Variants in ZNF445 observed in about 807,000 individuals in gnomAD.
The protein encoded by ZNF445 is zinc finger protein 168.
In ZNF445, 19 loss-of-function variants were observed where a neutral mutation model predicts 93.9. The observed-to-expected ratio is 0.20, with a 90% CI of 0.14 to 0.30. The LOEUF is 0.30. Among genes scored for constraint, ZNF445 ranks in the 10% least tolerant of loss-of-function variants. The probability of loss-of-function intolerance (pLI) is 1.00; values close to 1 mark genes in which losing one functional copy is unlikely to be tolerated. For synonymous variants in ZNF445, 449 were observed against 446.3 expected (o/e 1.01, Z -0.08); for missense variants, 1,058 against 1,259.4 (o/e 0.84, Z 2.42).
rs1575309784 is a variant in ZNF445 at position 44,451,453 on chromosome 3, C to T, written c.459G>A (p.Val153=). The stretch of plus-strand genomic sequence containing the variant: ...GCAGGGCTCCTGTACCCATCCAATG[C>T]ACATCTGGGCTCTGGGCAGGGCCCG... ...RDPGPAQSPD[V]HWMGTGALRS... is the part of the protein sequence containing the mutation. The change falls in exon 4 of 8, where the codon GTG becomes GTA. Residue 153 remains valine (V), a synonymous_variant. Coordinates refer to ENST00000396077, the MANE Select transcript of ZNF445 (RefSeq NM_181489.6). The T allele has an allele frequency of 1.9e-6, 3 of 1,610,526 alleles. No individual in the cohort carries two copies. Among genetic ancestry groups the T allele is most frequent in the Non-Finnish European group, 2.5e-6 (3 of 1,177,422 alleles).
At chr3:44,452,679 C>T (rs970273688) in intron 3 of ZNF445, among the ~76,000 whole-genome samples, 1 of 152,096 alleles carries the variant, frequency 6.6e-6, no homozygotes, top group Non-Finnish European at 1.5e-5. Flanking sequence ...ACCTCATTTC[C>T]TTTTATAAAT....
intron 1 of ZNF445, among the ~76,000 whole-genome samples, chr3:44,465,701 T>C (rs1039529127): frequency 6.6e-6 from 1 of 152,034 alleles, no homozygotes; most frequent in Admixed American, 6.5e-5. Flanking sequence ...TTACCTGAGG[T>C]TGGTAGTTCA....
chr3:44,441,547 G>A lies in ZNF445; in HGVS notation c.*5028C>T, dbSNP rs1406385164. The A allele has an allele frequency of 1.3e-5, 2 of 152,178 alleles. No individual in the cohort carries two copies. Among genetic ancestry groups the A allele is most frequent in the Non-Finnish European group, 2.9e-5 (2 of 68,038 alleles). 9.4% of individuals were successfully genotyped at this position (152,178 alleles called of 1,614,324 possible). ...TCTGACACTCCCAATTTTTGCAGGT[G>A]AGGAAATGGAAGCCTTGAAAGATTA... is the stretch of plus-strand genomic sequence containing the variant. On this transcript the variant is annotated 3_prime_UTR_variant, in exon 8 of 8. Transcript: ENST00000396077.
intron 1 of ZNF445, among the ~76,000 whole-genome samples, chr3:44,475,816 C>T (rs755568305): frequency 2.6e-5 from 4 of 152,052 alleles, no homozygotes; most frequent in South Asian, 2.1e-4. Flanking sequence ...CTGACCAATA[C>T]GGTGAAACCC....
At chr3:44,475,185 T>C (rs565407607) in intron 1 of ZNF445, among the ~76,000 whole-genome samples, 1 of 152,136 alleles carries the variant, frequency 6.6e-6, no homozygotes, top group South Asian at 2.1e-4. Context: ...TATTTCCATT[T>C]TAGGTATTAC....
chr3:44,471,942 T>C (rs1309010249), intron 1 of ZNF445, among the ~76,000 whole-genome samples: 1 of 151,812 alleles, frequency 6.6e-6, no homozygotes, highest in African/African-American at 2.4e-5. Flanking sequence ...TGAGAAGCAG[T>C]GGGAGCTTCA....
intron 1 of ZNF445, among the ~76,000 whole-genome samples, chr3:44,475,943 G>C (rs1698345034): frequency 6.6e-6 from 1 of 152,174 alleles, no homozygotes; most frequent in Middle Eastern, 3.2e-3. Context: ...AGGCTGCAGT[G>C]AGCCGAGTTT....
chr3:44,438,443 C>A lies in ZNF445; in HGVS notation c.*8132G>T, dbSNP rs1004719337. ...TCCCGAGTAGCTGGGACTACAGGCG[C>A]CCGCTGCCACGCCCGGTTAATTTTT... On this transcript the variant is annotated 3_prime_UTR_variant, in exon 8 of 8. Coordinates refer to ENST00000396077, the MANE Select transcript of ZNF445 (RefSeq NM_181489.6). 1 of 149,844 alleles carries A rather than the reference C, an allele frequency of 6.7e-6. No individual in the cohort carries two copies. Among genetic ancestry groups the A allele is most frequent in the African/African-American group, 2.5e-5 (1 of 40,622 alleles). 9.3% of individuals were successfully genotyped at this position (149,844 alleles called of 1,614,324 possible). A position where few individuals can be genotyped will look rare whatever the true frequency, so the allele number is the denominator to read the frequency against.
In ZNF445 at chr3:44,447,398, T is replaced by C. The variant is rs759722558; in HGVS notation, c.2273A>G (p.Lys758Arg). The change falls in exon 8 of 8, where the codon AAA becomes AGA. Residue 758 changes from lysine to arginine, a missense_variant. Around this residue, in one of 3 missense-constraint regions of ZNF445, gnomAD observed 387 missense variants for 475.7 expected, o/e 0.81. Coordinates refer to ENST00000396077, the MANE Select transcript of ZNF445 (RefSeq NM_181489.6). This position sits in a 1 kb window ranked among gnomAD's most constrained non-coding sequence, Gnocchi z 4.7. The stretch of plus-strand genomic sequence containing the variant: ...CTGGCTGCATTTGTAGGGCTCCTCT[T>C]TGGAGTGACTGCTCTGAGGAACCTG... The part of the protein sequence containing the change: ...VFQVPQSSHS[K>R]EEPYKCSQCG... The C allele has an allele frequency of 6.2e-6, 10 of 1,614,056 alleles. No individual in the cohort carries two copies. The African/African-American group carries it at 1.2e-4, about 19-fold the overall frequency.
Position 44,441,742 on chromosome 3 carries a change from A to G in ZNF445, c.*4833T>C, listed in dbSNP as rs1026283644. On this transcript the variant is annotated 3_prime_UTR_variant, in exon 8 of 8. Transcript: ENST00000396077. ...AATCTTAACATTGTGATGCCTCTGC[A>G]TCAATTTTTAGAAAAAAACAAAGAA... The G allele has an allele frequency of 5.9e-5, 9 of 152,248 alleles. No homozygotes were observed. The highest frequency in any genetic ancestry group is 2.2e-4 in the African/African-American group (9 of 41,456). 9.4% of individuals were successfully genotyped at this position (152,248 alleles called of 1,614,324 possible). A position where few individuals can be genotyped will look rare whatever the true frequency, so the allele number is the denominator to read the frequency against.
intron 1 of ZNF445, among the ~76,000 whole-genome samples, chr3:44,461,541 C>T (rs565854766): frequency 2.0e-5 from 3 of 152,288 alleles, no homozygotes; most frequent in African/African-American, 7.2e-5. Flanking sequence ...CTAAAGAAGA[C>T]TCAACGCTCA....
rs757165166 is a variant in ZNF445, at chr3:44,450,478, C to T, written c.789G>A (p.Met263Ile). ...SAQRNLYRDV[M>I]LENYRNMASL... ...AAGCCATGTTCCTATAATTCTCCAG[C>T]ATCACATCCCTGTACAGGTTCCTCT... The change falls in exon 6 of 8, where the codon ATG becomes ATA. Residue 263 changes from methionine to isoleucine, a missense_variant. By Grantham distance (10) the Met-to-Ile change is conservative. This residue lies in a region of ZNF445 where 657 missense variants were observed against 746.4 expected (regional missense o/e 0.88). Transcript: ENST00000396077. The T allele has an allele frequency of 6.3e-5, 102 of 1,614,084 alleles. 1 individual carries two copies. The Admixed American group carries it at 1.6e-3, about 25-fold the overall frequency.
At chr3:44,464,820 A>T (rs1449705355) in intron 1 of ZNF445, among the ~76,000 whole-genome samples, 1 of 152,182 alleles carries the variant, frequency 6.6e-6, no homozygotes, top group Non-Finnish European at 1.5e-5. Flanking sequence ...TCACGGCTGT[A>T]ATACCAGCAC....
chr3:44,449,010 C>T (rs761383159), intron 7 of ZNF445, among the ~76,000 whole-genome samples: 18 of 152,138 alleles, frequency 1.2e-4, no homozygotes, highest in Non-Finnish European at 2.2e-4. Flanking sequence ...TGTTAAACAG[C>T]CAGAGTGGGA....
chr3:44,471,534 G>C (rs1698268522), intron 1 of ZNF445, among the ~76,000 whole-genome samples: 2 of 152,162 alleles, frequency 1.3e-5, no homozygotes, highest in Admixed American at 1.3e-4. Context: ...AATGTAAAAG[G>C]AGTGACACTT....
intron 1 of ZNF445, among the ~76,000 whole-genome samples, chr3:44,475,208 G>C (rs1201726750): frequency 6.6e-6 from 1 of 151,886 alleles, no homozygotes; most frequent in Non-Finnish European, 1.5e-5. Context: ...GTTTTGTTTT[G>C]TTTTTTTGAG....
chr3:44,469,160 G>C (rs1031140012), intron 1 of ZNF445, among the ~76,000 whole-genome samples: 2 of 152,024 alleles, frequency 1.3e-5, no homozygotes, highest in Admixed American at 1.3e-4. Context: ...AGGCTCTGTA[G>C]CCAAAGTTAC....
chr3:44,435,328 T>A lies in ZNF445; in HGVS notation c.*11247A>T, dbSNP rs892865830. On this transcript the variant is annotated 3_prime_UTR_variant, in exon 8 of 8. Transcript: ENST00000396077. ...CAAAACCCATGTCACAGTGATTGATTTACTGTGTGAGAACAGAACAAACCT... is the reference window on the plus strand; with the variant it reads ...CAAAACCCATGTCACAGTGATTGATATACTGTGTGAGAACAGAACAAACCT... The A allele has an allele frequency of 3.3e-5, 5 of 152,166 alleles. No homozygotes were observed. The highest frequency in any genetic ancestry group is 1.2e-4 in the African/African-American group (5 of 41,436). 9.4% of individuals were successfully genotyped at this position (152,166 alleles called of 1,614,324 possible).
intron 1 of ZNF445, among the ~76,000 whole-genome samples, chr3:44,474,897 C>T (rs954204349): frequency 1.3e-5 from 2 of 151,734 alleles, no homozygotes; most frequent in African/African-American, 4.8e-5. Flanking sequence ...TTTGGACGGC[C>T]GAGGCAGGTG....
Sources: gnomAD v4.1 joint callset for allele counts (sites outside exome capture counted in the v4.1 genomes callset) on GRCh38, gnomAD v4.1.1 for gene constraint, gnomAD v4.1.1 regional missense constraint, Gnocchi (gnomAD v3.1) non-coding constraint, MANE v1.5 for transcripts, NCBI Gene and HGNC (gene_info 2026-07-23, HGNC 2026-07-21) for gene names.